Variants in ARHGAP27 observed in about 807,000 individuals in gnomAD.
The protein encoded by ARHGAP27 is rho GTPase-activating protein 27.
ARHGAP27 carries 53 observed loss-of-function variants against 102.0 expected under a neutral mutation model. That is an observed-to-expected ratio of 0.52 (90% confidence interval 0.42 to 0.65). ARHGAP27 has a LOEUF of 0.65. ARHGAP27 is among the 30% of genes least tolerant of loss of function. The pLI, the probability that ARHGAP27 is intolerant of heterozygous loss-of-function variation, is 0.00. For missense variants in ARHGAP27, 1,117 were observed against 1,256.2 expected (o/e 0.89, Z 1.68); for synonymous variants, 525 against 542.8 (o/e 0.97, Z 0.46).
In ARHGAP27 at chr17:45,403,670, A is replaced by G; in HGVS notation, c.1587T>C (p.Gly529=). The G allele has an allele frequency of 6.2e-7, 1 of 1,613,842 alleles. No homozygotes were observed. Among genetic ancestry groups the G allele is most frequent in the East Asian group, 2.2e-5 (1 of 44,870 alleles). ...AGTCCTTGAAGAATGTCAGGACGCC[A>G]CCCTCCAGCACAGTCCAGGAGGCAC... ...HWSASWTVLE[G]GVLTFFKDSK... The change falls in exon 11 of 20, where the codon GGT becomes GGC. Residue 529 remains glycine, a synonymous_variant. Coordinates refer to ENST00000685559, the MANE Select transcript of ARHGAP27 (RefSeq NM_001282290.2).
chr17:45,395,984 G>A lies in ARHGAP27; in HGVS notation c.2385C>T (p.Ile795=). ...FSHFRQFIAA[I]KLQDQARRSR... is the part of the protein sequence containing the mutation. Reference sequence around the variant, plus strand: ...GCCCCACCTGCCCCAGGTGCTCACTGATGGCCGCAATGAACTGGCGGAAGT... The same window carrying A: ...GCCCCACCTGCCCCAGGTGCTCACTAATGGCCGCAATGAACTGGCGGAAGT... Residue 795 remains isoleucine (I), a splice_region_variant and synonymous_variant, in exon 18 of 20, where the codon ATC becomes ATT. Transcript: ENST00000685559. 1 of 1,609,226 alleles carries A rather than the reference G, an allele frequency of 6.2e-7. No individual in the cohort carries two copies. The highest frequency in any genetic ancestry group is 8.5e-7 in the Non-Finnish European group (1 of 1,177,236).
rs772512075 is a variant in ARHGAP27, at chr17:45,396,296, G to A, written c.2174-12C>T. On this transcript the variant is annotated splice_polypyrimidine_tract_variant and intron_variant, in intron 16 of 19. Transcript: ENST00000685559. ...GTCGATGTCCAGCCCTGGGCCAGAG[G>A]GAGGCGCTGATCCCGGGTTCAGGGA... The A allele has an allele frequency of 1.2e-6, 2 of 1,605,002 alleles. No individual in the cohort carries two copies. The highest frequency in any genetic ancestry group is 1.7e-6 in the Non-Finnish European group (2 of 1,176,514).
Position 45,411,517 on chromosome 17 carries a change from A to G in ARHGAP27, c.658-5434T>C, listed in dbSNP as rs114608510. 5.1e-3 allele frequency among the ~76,000 whole-genome samples: 769 copies of G among 152,090 alleles called. 8 individuals carry two copies. The highest frequency in any genetic ancestry group is 0.018 in the African/African-American group (734 of 41,444). Reference sequence around the variant, plus strand: ...CTGTGGGCTGGGGACAAGGACCCCAAGCAGAGCCAGGCACAGTGTGAATGT... The same window carrying G: ...CTGTGGGCTGGGGACAAGGACCCCAGGCAGAGCCAGGCACAGTGTGAATGT... On this transcript the variant is annotated intron_variant, in intron 4 of 19. Transcript: ENST00000685559.
intron 4 of ARHGAP27, among the ~76,000 whole-genome samples, chr17:45,414,902 CAAAAAAAA>C (rs35471470): frequency 5.4e-5 from 5 of 92,964 alleles, no homozygotes; most frequent in African/African-American, 9.0e-5. Context: ...CTAAAAATAC[CAAAAAAAA>C]AAAAAAAAAA....
chr17:45,400,417 C>G (rs1488695548), intron 12 of ARHGAP27, among the ~76,000 whole-genome samples: 1 of 152,184 alleles, frequency 6.6e-6, no homozygotes, highest in East Asian at 1.9e-4. Context: ...AACCAGGAGG[C>G]AGGGGCTTGT....
At chr17:45,402,016 C>A (rs1239451472) in intron 12 of ARHGAP27, among the ~76,000 whole-genome samples, 9 of 152,196 alleles carry the variant, frequency 5.9e-5, no homozygotes, top group Non-Finnish European at 1.2e-4. Flanking sequence ...AGTTTAAAAA[C>A]AAGACAACAC....
intron 12 of ARHGAP27, among the ~76,000 whole-genome samples, chr17:45,400,375 C>T (rs776374072): frequency 3.3e-5 from 5 of 152,098 alleles, no homozygotes; most frequent in East Asian, 1.9e-4. Context: ...GCCTACAGGC[C>T]GCCCTGCATG....
rs2046975381 is a variant in ARHGAP27 at position 45,405,118 on chromosome 17, A to C, written c.1066-12T>G. The C allele has an allele frequency of 6.4e-7, 1 of 1,561,310 alleles. No homozygotes were observed. Among genetic ancestry groups the C allele is most frequent in the Non-Finnish European group, 8.7e-7 (1 of 1,152,284 alleles). ...TCGGGAGTGGGGGGCTGCGGGGAAC[A>C]GAAGGTGGAGTCAGAGGCTCTGAGT... On this transcript the variant is annotated splice_polypyrimidine_tract_variant and intron_variant, in intron 5 of 19. Coordinates refer to ENST00000685559, the MANE Select transcript of ARHGAP27 (RefSeq NM_001282290.2).
rs987545972 is a variant in ARHGAP27 at position 45,396,499 on chromosome 17, C to A, written c.2161G>T (p.Val721Phe). Residue 721 changes from valine (V) to phenylalanine (F), a missense_variant, in exon 16 of 20, where the codon GTC (valine) becomes TTC (phenylalanine). Transcript: ENST00000685559. ...GCAGCGCACGTACCGCGGGCCTCGA[C>A]GGCGCGGATGCACTGCTGCACGAAG... The part of the protein sequence containing the change: ...PRFVQQCIRA[V>F]EARGLDIDGL... 6.5e-7 allele frequency: 1 copy of A among 1,548,680 alleles called. No homozygotes were observed. Among genetic ancestry groups the A allele is most frequent in the Admixed American group, 1.9e-5 (1 of 52,728 alleles).
intron 4 of ARHGAP27, chr17:45,410,240 G>A: frequency 6.5e-7 from 1 of 1,533,550 alleles, no homozygotes; most frequent in Non-Finnish European, 8.7e-7. Context: ...ACCTGTGCCG[G>A]CAAGGCTCGA....
chr17:45,402,650 T>C, intron 12 of ARHGAP27, 64 bp downstream of exon 12: 5 of 1,434,666 alleles, frequency 3.5e-6, no homozygotes, highest in Non-Finnish European at 4.9e-6. Flanking sequence ...AGGTCAATAG[T>C]TGTCAGAGAG....
intron 4 of ARHGAP27, among the ~76,000 whole-genome samples, chr17:45,428,500 T>C (rs569648751): frequency 6.6e-6 from 1 of 152,304 alleles, no homozygotes; most frequent in African/African-American, 2.4e-5. Context: ...CCCCTTTCCC[T>C]AGTCTCAAAA....
intron 4 of ARHGAP27, among the ~76,000 whole-genome samples, chr17:45,417,190 G>A (rs1489139569): frequency 5.3e-5 from 8 of 151,430 alleles, no homozygotes; most frequent in African/African-American, 1.9e-4. Context: ...TTGGCTGGGC[G>A]TGGTGGCTTA....
chr17:45,398,197 TAA>T, intron 12 of ARHGAP27, 150 bp from the exon 13 acceptor site: 1 of 528,648 alleles, frequency 1.9e-6, no homozygotes, highest in Non-Finnish European at 3.3e-6. Context: ...CACCCCAGGC[TAA>T]GTCTTGGATC....
chr17:45,402,668 G>A (rs1299836256), intron 12 of ARHGAP27, 46 bp downstream of exon 12: 6 of 1,508,198 alleles, frequency 4.0e-6, no homozygotes, highest in Admixed American at 1.7e-5. Context: ...GAGCTGGCAG[G>A]CATCACTAAG....
At chr17:45,418,790 G>C (rs1333093890) in intron 4 of ARHGAP27, among the ~76,000 whole-genome samples, 1 of 151,954 alleles carries the variant, frequency 6.6e-6, no homozygotes. Flanking sequence ...TGGGACCCTG[G>C]GGAGAAGGCA....
chr17:45,394,618 C>T lies in ARHGAP27; in HGVS notation c.*838G>A, dbSNP rs2045382480. ...GGTGGTAGCTGAAAGAACTGATTTTCCCCCTACCCAGGCTGTACTCTGGTG... is the reference window on the plus strand; with the variant it reads ...GGTGGTAGCTGAAAGAACTGATTTTTCCCCTACCCAGGCTGTACTCTGGTG... On this transcript the variant is annotated 3_prime_UTR_variant, in exon 20 of 20. Transcript: ENST00000685559. 1 of 152,298 alleles carries T rather than the reference C, an allele frequency of 6.6e-6. No homozygotes were observed. Among genetic ancestry groups the T allele is most frequent in the African/African-American group, 2.4e-5 (1 of 41,460 alleles). The allele number at this position is 152,298 out of a possible 1,614,324, so 9.4% of individuals were successfully genotyped here.
At chr17:45,419,512 G>GTATATATATA (rs71136087) in intron 4 of ARHGAP27, among the ~76,000 whole-genome samples, 1 of 119,790 alleles carries the variant, frequency 8.3e-6, no homozygotes, top group Non-Finnish European at 1.7e-5. Context: ...TATGCTGTAT[G>GTATATATATA]TATATATATA....
At chr17:45,406,359 C>G (rs769999007) in intron 4 of ARHGAP27, among the ~76,000 whole-genome samples, 4 of 152,176 alleles carry the variant, frequency 2.6e-5, no homozygotes, top group African/African-American at 4.8e-5. Context: ...CTTGGGCGAC[C>G]TTCAGGAAGT....
Sources: allele counts gnomAD v4.1 joint callset (sites outside exome capture counted in the v4.1 genomes callset), GRCh38; gene constraint gnomAD v4.1.1; transcripts MANE v1.5; gene names NCBI Gene and HGNC (gene_info 2026-07-23, HGNC 2026-07-21).